Variants in DLG2 observed in about 807,000 individuals in gnomAD.
The protein encoded by DLG2 is disks large homolog 2.
Under a neutral mutation model 132.5 loss-of-function variants are expected in DLG2, and 45 were observed. The ratio of observed to expected loss-of-function variants is 0.34; its 90% CI spans 0.27 to 0.44. The LOEUF (loss-of-function observed/expected upper bound fraction) is 0.44. Ranked by LOEUF, DLG2 falls within the 20% of genes least tolerant of loss-of-function variation. The probability of loss-of-function intolerance (pLI) is 1.00; values close to 1 mark genes in which losing one functional copy is unlikely to be tolerated. For synonymous variants in DLG2, 424 were observed against 419.6 expected (o/e 1.01, Z -0.13); for missense variants, 1,045 against 1,196.9 (o/e 0.87, Z 1.87).
At chr11:84,244,793 A>T (rs1012768420) in intron 8 of DLG2, among the ~76,000 whole-genome samples, 1 of 152,254 alleles carries the variant, frequency 6.6e-6, no homozygotes, top group African/African-American at 2.4e-5. Context: ...TACTAAAATC[A>T]GCAAATTCTT....
At chr11:84,793,726 G>T (rs1478036317) in intron 6 of DLG2, among the ~76,000 whole-genome samples, 2 of 152,048 alleles carry the variant, frequency 1.3e-5, no homozygotes, top group Admixed American at 1.3e-4. Context: ...AGCTACTACT[G>T]CTCTTTTTTT....
chr11:85,064,417 G>A (rs973845031), intron 6 of DLG2, among the ~76,000 whole-genome samples: 4 of 151,672 alleles, frequency 2.6e-5, no homozygotes, highest in Admixed American at 6.6e-5. Flanking sequence ...CTCTCAGTAC[G>A]TGGCAGCAGT....
intron 6 of DLG2, among the ~76,000 whole-genome samples, chr11:84,561,618 T>C (rs2099428931): frequency 6.6e-6 from 1 of 152,192 alleles, no homozygotes; most frequent in African/African-American, 2.4e-5. Context: ...AGCTCAGTGC[T>C]TGACATTTAT....
At chr11:84,122,060 C>A (rs898698261) in intron 9 of DLG2, among the ~76,000 whole-genome samples, 2 of 151,764 alleles carry the variant, frequency 1.3e-5, no homozygotes, top group South Asian at 4.2e-4. Context: ...GTGGCTCATG[C>A]CTGTAATTCC....
At chr11:85,156,956 T>G (rs1366681682) in intron 4 of DLG2, among the ~76,000 whole-genome samples, 1 of 152,190 alleles carries the variant, frequency 6.6e-6, no homozygotes, top group Non-Finnish European at 1.5e-5. Context: ...CCTGAATATG[T>G]CTGTGAGGTT....
At chr11:84,168,904 C>A (rs879872757) in intron 8 of DLG2, among the ~76,000 whole-genome samples, 1 of 151,864 alleles carries the variant, frequency 6.6e-6, no homozygotes, top group Non-Finnish European at 1.5e-5. Flanking sequence ...CAATATTCAT[C>A]CTTCCCTTCT....
At chr11:85,256,268 G>A (rs1595742550) in intron 4 of DLG2, among the ~76,000 whole-genome samples, 1 of 152,160 alleles carries the variant, frequency 6.6e-6, no homozygotes, top group South Asian at 2.1e-4. Flanking sequence ...ATCAAAAGGA[G>A]TTCGGCTAGG....
intron 7 of DLG2, among the ~76,000 whole-genome samples, chr11:84,353,418 T>G (rs2098593549): frequency 6.6e-6 from 1 of 152,120 alleles, no homozygotes; most frequent in Non-Finnish European, 1.5e-5. Flanking sequence ...CATCTGAAAG[T>G]CATTCTTGAC....
chr11:84,124,996 A>G (rs2094109218), intron 9 of DLG2, among the ~76,000 whole-genome samples: 1 of 151,830 alleles, frequency 6.6e-6, no homozygotes, highest in African/African-American at 2.4e-5. Flanking sequence ...GATTACAGGC[A>G]TGTGCCACCA....
intron 11 of DLG2, among the ~76,000 whole-genome samples, chr11:84,050,836 G>T (rs550044859): frequency 1.8e-3 from 281 of 151,946 alleles, no homozygotes; most frequent in South Asian, 7.1e-3. Flanking sequence ...GTAGATATGT[G>T]GCATTATTTC....
chr11:84,614,445 T>C (rs905089278), intron 6 of DLG2, among the ~76,000 whole-genome samples: 1 of 152,188 alleles, frequency 6.6e-6, no homozygotes, highest in Admixed American at 6.5e-5. Context: ...AAGGAGAAGC[T>C]AGACCATGAC....
intron 6 of DLG2, among the ~76,000 whole-genome samples, chr11:84,593,254 A>G (rs1593184336): frequency 6.6e-6 from 1 of 152,326 alleles, no homozygotes; most frequent in Middle Eastern, 3.4e-3. Context: ...TCAAGGATCT[A>G]GAACCAGAAA....
At chr11:85,313,669 G>A (rs1388007145) in intron 3 of DLG2, among the ~76,000 whole-genome samples, 2 of 151,968 alleles carry the variant, frequency 1.3e-5, no homozygotes, top group African/African-American at 4.8e-5. Flanking sequence ...ATTTAAATGT[G>A]AATGAACCTA....
At chr11:84,100,363 A>G (rs2092417947) in intron 9 of DLG2, among the ~76,000 whole-genome samples, 1 of 148,990 alleles carries the variant, frequency 6.7e-6, no homozygotes, top group Admixed American at 6.8e-5. Flanking sequence ...ATTTGTATGT[A>G]AGGCATAATT....
intron 18 of DLG2, among the ~76,000 whole-genome samples, chr11:83,751,202 T>C (rs34873133): frequency 0.049 from 7,529 of 152,272 alleles, 225 homozygotes; most frequent in Middle Eastern, 0.11. Context: ...AGAAATAACA[T>C]TCTTGGCTAG....
chr11:85,150,690 A>AGG, intron 5 of DLG2, among the ~76,000 whole-genome samples: 1 of 139,482 alleles, frequency 7.2e-6, no homozygotes, highest in South Asian at 2.4e-4. Context: ...TTTGTTCCTA[A>AGG]GGCTACATAG....
intron 7 of DLG2, among the ~76,000 whole-genome samples, chr11:84,378,636 A>G (rs1172563088): frequency 1.3e-5 from 2 of 151,980 alleles, no homozygotes; most frequent in Non-Finnish European, 2.9e-5. Context: ...AAAACCACCA[A>G]TATAAGAGTT....
At chr11:84,923,397 T>C (rs1405348193) in intron 6 of DLG2, 14 of 1,006,182 alleles carry the variant, frequency 1.4e-5, no homozygotes, top group Non-Finnish European at 1.5e-5. Context: ...TTGCTTTTCC[T>C]TCTAGCATTT....
intron 3 of DLG2, among the ~76,000 whole-genome samples, chr11:85,567,666 T>G (rs2077601661): frequency 6.6e-6 from 1 of 152,216 alleles, no homozygotes; most frequent in African/African-American, 2.4e-5. Context: ...CAATGTTTAA[T>G]AGGAGTGGCA....
Sources: allele counts gnomAD v4.1 joint callset (sites outside exome capture counted in the v4.1 genomes callset), GRCh38; gene constraint gnomAD v4.1.1; transcripts MANE v1.5; gene names NCBI Gene and HGNC (gene_info 2026-07-23, HGNC 2026-07-21).